VPS41: variants seen among roughly 807,000 people sequenced by gnomAD.
VPS41 encodes VPS41 subunit of HOPS complex, also known as vacuolar protein sorting-associated protein 41 homolog.
In VPS41, 85 loss-of-function variants were observed where a neutral mutation model predicts 130.9. The ratio of observed to expected loss-of-function variants is 0.65; its 90% CI spans 0.55 to 0.78. The LOEUF (loss-of-function observed/expected upper bound fraction) is 0.78. Ranked by LOEUF, VPS41 falls within the 30% of genes least tolerant of loss-of-function variation. VPS41 has a pLI of 0.00. For missense variants in VPS41, 874 were observed against 1,018.7 expected (o/e 0.86, Z 1.93); for synonymous variants, 335 against 332.9 (o/e 1.01, Z -0.07).
At chr7:38,899,619 C>G (rs192259711) in intron 1 of VPS41, among the ~76,000 whole-genome samples, 4 of 152,182 alleles carry the variant, frequency 2.6e-5, no homozygotes, top group Non-Finnish European at 5.9e-5. Flanking sequence ...ATGTTCCATT[C>G]ACCACCCACA....
intron 2 of VPS41, among the ~76,000 whole-genome samples, chr7:38,876,437 T>C (rs1471756300): frequency 6.6e-6 from 1 of 152,124 alleles, no homozygotes; most frequent in South Asian, 2.1e-4. Context: ...AACACCAATA[T>C]AGTAATTTCC....
intron 2 of VPS41, among the ~76,000 whole-genome samples, chr7:38,892,549 C>T (rs977392580): frequency 2.0e-5 from 3 of 152,104 alleles, no homozygotes; most frequent in Admixed American, 1.3e-4. Flanking sequence ...CCCAGACCTG[C>T]CTCTAACAAG....
chr7:38,867,100 C>T (rs1253976316), intron 3 of VPS41, among the ~76,000 whole-genome samples: 2 of 152,108 alleles, frequency 1.3e-5, no homozygotes, highest in Non-Finnish European at 2.9e-5. Context: ...ATGAAATACA[C>T]CAAAATAGGC....
rs769960554 is a variant in VPS41 at position 38,742,046 on chromosome 7, C to A, written c.2198G>T (p.Gly733Val). 3 of 1,613,394 alleles carry A rather than the reference C, an allele frequency of 1.9e-6. No individual in the cohort carries two copies. Among genetic ancestry groups the A allele is most frequent in the Non-Finnish European group, 2.5e-6 (3 of 1,179,674 alleles). The change falls in exon 25 of 29, where the codon GGA (glycine) becomes GTA (valine). Residue 733 changes from glycine (G) to valine (V), a missense_variant. Physicochemically the swap from Gly to Val is moderately radical, Grantham distance 109. Transcript: ENST00000310301. Reference protein sequence around the residue: ...PILLIHRIKEGMEIPNLRDSL... With the variant: ...PILLIHRIKEVMEIPNLRDSL... ...ATCTCTCAAATTGGGGATCTCCATT[C>A]CTTCCTTAATACGGTGAATCAGTAG...
In VPS41 at chr7:38,826,511, G is replaced by A. The variant is rs200823242; in HGVS notation, c.321+3743C>T. ...TCTAAGAACCTGGAGCAGAAAAACA[G>A]GAAGATGACGACAATGATTATAATA... is the stretch of plus-strand genomic sequence containing the variant. On this transcript the variant is annotated intron_variant, in intron 5 of 28. Coordinates refer to ENST00000310301, the MANE Select transcript of VPS41 (RefSeq NM_014396.4). Among the ~76,000 whole-genome samples the A allele has an allele frequency of 6.6e-5, 10 of 152,262 alleles. No individual in the cohort carries two copies. In the East Asian group the frequency reaches 1.2e-3, roughly 18 times the overall value.
At chr7:38,909,126 G>T in intron 1 of VPS41, 28 bp downstream of exon 1, 1 of 1,613,554 alleles carries the variant, frequency 6.2e-7, no homozygotes, top group Middle Eastern at 1.6e-4. Context: ...ATATCCCTGT[G>T]CCCTCAACTA....
At chr7:38,764,623 G>GA (rs148606579) in intron 16 of VPS41, among the ~76,000 whole-genome samples, 1 of 151,934 alleles carries the variant, frequency 6.6e-6, no homozygotes, top group Non-Finnish European at 1.5e-5. Flanking sequence ...GTATTGACAT[G>GA]AAAAAAATGA....
intron 14 of VPS41, among the ~76,000 whole-genome samples, chr7:38,769,501 C>T (rs949987896): frequency 6.6e-6 from 1 of 152,166 alleles, no homozygotes; most frequent in Admixed American, 6.6e-5. Flanking sequence ...GGCTCCACTA[C>T]GATGTCCCAC....
intron 4 of VPS41, among the ~76,000 whole-genome samples, chr7:38,845,604 A>ATG (rs1225212309): frequency 1.3e-5 from 2 of 152,234 alleles, no homozygotes; most frequent in African/African-American, 4.8e-5. Flanking sequence ...GGTCTCCCCA[A>ATG]GATGTCTTGA....
chr7:38,743,022 G>A (rs1265378649), intron 24 of VPS41, among the ~76,000 whole-genome samples: 1 of 151,914 alleles, frequency 6.6e-6, no homozygotes, highest in Non-Finnish European at 1.5e-5. Context: ...TTCCAAAAAA[G>A]ACTGGTAAGG....
At chr7:38,781,159 A>T (rs1168902283) in intron 10 of VPS41, among the ~76,000 whole-genome samples, 2 of 152,232 alleles carry the variant, frequency 1.3e-5, no homozygotes, top group Admixed American at 1.3e-4. Context: ...GAGTTCAAAA[A>T]AAGAGGTGAA....
chr7:38,815,479 C>T (rs1785028356), intron 7 of VPS41, among the ~76,000 whole-genome samples: 1 of 151,982 alleles, frequency 6.6e-6, no homozygotes, highest in Non-Finnish European at 1.5e-5. Context: ...ATAAGAACAC[C>T]TGGGTTTAAA....
rs533920107 is a variant in VPS41 at position 38,752,321 on chromosome 7, G to A, written c.1789-8C>T. 1 of 1,613,216 alleles carries A rather than the reference G, an allele frequency of 6.2e-7. No individual in the cohort carries two copies. Among genetic ancestry groups the A allele is most frequent in the South Asian group, 1.1e-5 (1 of 91,000 alleles). On this transcript the variant is annotated splice_polypyrimidine_tract_variant and splice_region_variant and intron_variant, in intron 21 of 28. Transcript: ENST00000310301. ...GAAAAGCTTATGCAAATACTAAAAG[G>A]AACAAAAGATAAGCCGTGACCCATT...
intron 7 of VPS41, among the ~76,000 whole-genome samples, chr7:38,810,790 T>C (rs924749665): frequency 6.6e-6 from 1 of 152,168 alleles, no homozygotes; most frequent in African/African-American, 2.4e-5. Flanking sequence ...TTTATTCTCT[T>C]TTCCCCCTAT....
chr7:38,832,319 CTTTTTTTTTT>C (rs543207806), intron 4 of VPS41, among the ~76,000 whole-genome samples: 9 of 114,744 alleles, frequency 7.8e-5, no homozygotes, highest in African/African-American at 3.1e-4. Flanking sequence ...TTCTTTCTTT[CTTTTTTTTTT>C]TTTTTTTTTG....
At chr7:38,900,741 A>C (rs1169024467) in intron 1 of VPS41, among the ~76,000 whole-genome samples, 1 of 152,140 alleles carries the variant, frequency 6.6e-6, no homozygotes, top group African/African-American at 2.4e-5. Context: ...GAGAACATTT[A>C]CTCTAGGAAA....
chr7:38,897,185 ACT>A (rs1234539281), intron 2 of VPS41, among the ~76,000 whole-genome samples: 42 of 98,110 alleles, frequency 4.3e-4, no homozygotes, highest in Admixed American at 2.0e-3. Context: ...CAAGAGTGAA[ACT>A]CTGTCTCAAA....
chr7:38,875,857 G>A (rs750537306), intron 2 of VPS41, among the ~76,000 whole-genome samples: 1 of 152,040 alleles, frequency 6.6e-6, no homozygotes, highest in African/African-American at 2.4e-5. Flanking sequence ...TTGCTATTAA[G>A]GAAAAAATAT....
In VPS41 at chr7:38,754,779, T is replaced by C. The variant is rs1221340338; in HGVS notation, c.1738-27A>G. On this transcript the variant is annotated intron_variant, in intron 20 of 28. Transcript: ENST00000310301. ...TAGATAAAAAAGAAAAGTTTCAAGGTGGAGTCATGAGGACAGAAAGACAGC... is the reference window on the plus strand; with the variant it reads ...TAGATAAAAAAGAAAAGTTTCAAGGCGGAGTCATGAGGACAGAAAGACAGC... The C allele has an allele frequency of 1.9e-6, 3 of 1,607,102 alleles. No homozygotes were observed. In the South Asian group the frequency reaches 3.3e-5, roughly 18 times the overall value.
Sources: gnomAD v4.1 joint callset for allele counts (sites outside exome capture counted in the v4.1 genomes callset) on GRCh38, gnomAD v4.1.1 for gene constraint, MANE v1.5 for transcripts, NCBI Gene and HGNC (gene_info 2026-07-23, HGNC 2026-07-21) for gene names.